Variants in KIAA1549L observed in about 807,000 individuals in gnomAD.
KIAA1549L encodes the protein UPF0606 protein KIAA1549L.
KIAA1549L carries 88 observed loss-of-function variants against 160.7 expected under a neutral mutation model. The ratio of observed to expected loss-of-function variants is 0.55; its 90% confidence interval spans 0.46 to 0.65. KIAA1549L has a LOEUF of 0.65. Ranked by LOEUF, KIAA1549L falls within the 30% of genes least tolerant of loss-of-function variation. The pLI is 0.00. For missense variants in KIAA1549L, 2,258 were observed against 2,437.5 expected, an observed-to-expected ratio of 0.93 and a Z score of 1.55; for synonymous variants, 950 against 976.7, an observed-to-expected ratio of 0.97 and a Z score of 0.51.
intron 17 of KIAA1549L, among the ~76,000 whole-genome samples, chr11:33,655,084 G>A (rs372244795): frequency 6.6e-6 from 1 of 152,178 alleles, no homozygotes; most frequent in Admixed American, 6.5e-5. Flanking sequence ...TTCACAGAGA[G>A]CATTTCTAGA....
chr11:33,394,819 G>A (rs1850341455), intron 1 of KIAA1549L, among the ~76,000 whole-genome samples: 1 of 152,202 alleles, frequency 6.6e-6, no homozygotes, highest in African/African-American at 2.4e-5. Flanking sequence ...TCCATTTTGT[G>A]GCTTTGCCAT....
At chr11:33,452,685 T>G (rs1851745930) in intron 1 of KIAA1549L, among the ~76,000 whole-genome samples, 1 of 152,182 alleles carries the variant, frequency 6.6e-6, no homozygotes, top group African/African-American at 2.4e-5. Flanking sequence ...AATACCTTTC[T>G]GCCACACTAG....
At chr11:33,408,508 T>TAC (rs1306230653) in intron 1 of KIAA1549L, among the ~76,000 whole-genome samples, 14 of 149,158 alleles carry the variant, frequency 9.4e-5, no homozygotes, top group South Asian at 6.3e-4. Context: ...TATATATATA[T>TAC]ATACACATGT....
At position 33,661,879 on chromosome 11, in the gene KIAA1549L, CAAAAAAAAAAAAA is replaced by C. The variant is rs59140753; in HGVS notation, c.6159+880_6159+892del. 9.3e-3 allele frequency among the ~76,000 whole-genome samples: 339 copies of C among 36,344 alleles called. 2 individuals carry two copies. The highest frequency in any genetic ancestry group is 0.024 in the African/African-American group (317 of 13,184). 23.8% of individuals were successfully genotyped at this position (36,344 alleles called of 152,430 possible). On this transcript the variant is annotated intron_variant, in intron 20 of 20. Transcript: ENST00000658780. ...GGGGCGATAGAGCAAGACTATGTCT[CAAAAAAAAAAAAA>C]AAAAAAAAAAAAAAGAAACCCAAGA...
intron 1 of KIAA1549L, among the ~76,000 whole-genome samples, chr11:33,455,397 C>T (rs1851802042): frequency 6.6e-6 from 1 of 152,098 alleles, no homozygotes; most frequent in South Asian, 2.1e-4. Context: ...TCCATTATGG[C>T]AGAAAATACT....
intron 1 of KIAA1549L, among the ~76,000 whole-genome samples, chr11:33,497,499 TAAAA>T (rs531975899): frequency 1.1e-3 from 161 of 152,172 alleles, no homozygotes; most frequent in Non-Finnish European, 1.7e-3. Flanking sequence ...CCCAAAATAA[TAAAA>T]AAAGAATTAG....
At chr11:33,575,580 T>C (rs867163087) in intron 10 of KIAA1549L, among the ~76,000 whole-genome samples, 6 of 152,162 alleles carry the variant, frequency 3.9e-5, no homozygotes, top group African/African-American at 1.4e-4. Flanking sequence ...AATAACCTGC[T>C]CGGCATCACA....
chr11:33,440,319 C>T (rs554669639), intron 1 of KIAA1549L, among the ~76,000 whole-genome samples: 9 of 150,478 alleles, frequency 6.0e-5, no homozygotes, highest in African/African-American at 1.2e-4. Context: ...TTAGTAGAGA[C>T]GGGGTTTCAC....
Position 33,671,821 on chromosome 11 carries a change from A to G in KIAA1549L, c.*3667A>G, listed in dbSNP as rs1284858863. ...AACAGATACTGTCTTAAAAGTTTAA[A>G]AACAGGATTTGTACTTAATCCTAAA... On this transcript the variant is annotated 3_prime_UTR_variant, in exon 21 of 21. Coordinates refer to ENST00000658780, the MANE Select transcript of KIAA1549L (RefSeq NM_012194.3). 2 of 152,250 alleles carry G rather than the reference A, an allele frequency of 1.3e-5. No homozygotes were observed. The highest frequency in any genetic ancestry group is 2.4e-5 in the African/African-American group (1 of 41,470). 9.4% of individuals were successfully genotyped at this position (152,250 alleles called of 1,614,324 possible).
chr11:33,571,961 T>A (rs1174505701), intron 9 of KIAA1549L, among the ~76,000 whole-genome samples: 1 of 152,148 alleles, frequency 6.6e-6, no homozygotes, highest in Non-Finnish European at 1.5e-5. Context: ...TTCTTCAACA[T>A]GCTGGTTTCC....
chr11:33,613,959 A>G (rs1233570217), intron 15 of KIAA1549L, among the ~76,000 whole-genome samples: 3 of 152,156 alleles, frequency 2.0e-5, no homozygotes, highest in Admixed American at 6.5e-5. Context: ...CCATGCCCTC[A>G]GCTCTCCCTG....
Position 33,614,553 on chromosome 11 carries a change from TATATATATATATATATATATATATA to T in KIAA1549L, c.5280-3979_5280-3955del, listed in dbSNP as rs1564924735. ...CAAGATATATATATATATATATATA[TATATATATATATATATATATATATA>T]TATATATTTTTTTTTTTTTTTTTTT... On this transcript the variant is annotated intron_variant, in intron 15 of 20. Coordinates refer to ENST00000658780, the MANE Select transcript of KIAA1549L (RefSeq NM_012194.3). Among the ~76,000 whole-genome samples, 29 of 13,218 alleles carry T rather than the reference TATATATATATATATATATATATATA, an allele frequency of 2.2e-3. 3 individuals are homozygous for T. Among genetic ancestry groups the T allele is most frequent in the African/African-American group, 8.5e-3 (17 of 1,998 alleles). 8.7% of individuals were successfully genotyped at this position (13,218 alleles called of 152,430 possible).
At chr11:33,552,653 AACACACACACAC>A (rs761358417) in intron 6 of KIAA1549L, among the ~76,000 whole-genome samples, 1,463 of 131,508 alleles carry the variant, frequency 0.011, 32 homozygotes, top group African/African-American at 0.039. Context: ...GACACATGCC[AACACACACACAC>A]ACACACACAC....
intron 1 of KIAA1549L, among the ~76,000 whole-genome samples, chr11:33,514,353 C>T (rs564558510): frequency 2.6e-5 from 4 of 152,196 alleles, no homozygotes; most frequent in East Asian, 1.9e-4. Flanking sequence ...GGGGGAACCA[C>T]GGACTGATCA....
chr11:33,497,741 A>T (rs1852853647), intron 1 of KIAA1549L, among the ~76,000 whole-genome samples: 1 of 152,256 alleles, frequency 6.6e-6, no homozygotes, highest in South Asian at 2.1e-4. Flanking sequence ...AAAACATTTT[A>T]TATTTACTTA....
At chr11:33,377,074 AAAG>A (rs950776914) in intron 1 of KIAA1549L, among the ~76,000 whole-genome samples, 185 bp downstream of exon 1, 2 of 152,198 alleles carry the variant, frequency 1.3e-5, no homozygotes, top group African/African-American at 4.8e-5. Flanking sequence ...GAAGAAAAAA[AAAG>A]GAGCAATCGC....
intron 1 of KIAA1549L, among the ~76,000 whole-genome samples, chr11:33,444,777 A>T (rs567140022): frequency 6.6e-6 from 1 of 152,346 alleles, no homozygotes; most frequent in East Asian, 1.9e-4. Context: ...TGCTCCAAAT[A>T]AGACCAACCA....
intron 15 of KIAA1549L, among the ~76,000 whole-genome samples, chr11:33,615,915 C>T (rs1397005737): frequency 1.3e-5 from 2 of 152,184 alleles, no homozygotes; most frequent in African/African-American, 4.8e-5. Flanking sequence ...GAATTCCTCT[C>T]GAGTCTGCAG....
chr11:33,664,375 C>T (rs2133454761), intron 20 of KIAA1549L, among the ~76,000 whole-genome samples: 1 of 152,302 alleles, frequency 6.6e-6, no homozygotes, highest in South Asian at 2.1e-4. Context: ...CCGCACATCT[C>T]AGGAACCTGC....
Sources: allele counts gnomAD v4.1 joint callset (sites outside exome capture counted in the v4.1 genomes callset), GRCh38; gene constraint gnomAD v4.1.1; transcripts MANE v1.5; gene names NCBI Gene and HGNC (gene_info 2026-07-23, HGNC 2026-07-21).